The following CWC27 variants were observed in gnomAD, a reference collection of about 807,000 sequenced individuals.
CWC27 encodes the protein spliceosome-associated protein CWC27 homolog.
A neutral mutation model predicts 63.6 loss-of-function variants in CWC27; 47 were observed. That is an observed-to-expected ratio of 0.74 (90% CI 0.58 to 0.94). The LOEUF is 0.94. Ranked by LOEUF, CWC27 falls within the 40% of genes least tolerant of loss-of-function variation. The pLI, the probability that CWC27 is intolerant of heterozygous loss-of-function variation, is 0.00. For synonymous variants in CWC27, 175 were observed against 179.8 expected, an observed-to-expected ratio of 0.97 and a Z score of 0.22; for missense variants, 495 against 554.3, an observed-to-expected ratio of 0.89 and a Z score of 1.07.
chr5:64,825,684 C>T (rs1745337702), intron 10 of CWC27, among the ~76,000 whole-genome samples: 1 of 152,134 alleles, frequency 6.6e-6, no homozygotes, highest in African/African-American at 2.4e-5. Context: ...TCCCTCTCAG[C>T]ACTGCTTTGT....
At chr5:64,848,614 T>C (rs1457673489) in intron 10 of CWC27, among the ~76,000 whole-genome samples, 1 of 152,052 alleles carries the variant, frequency 6.6e-6, no homozygotes, top group African/African-American at 2.4e-5. Context: ...CCAAATTCAA[T>C]TATACATTAA....
At chr5:64,864,733 C>T (rs73105207) in intron 10 of CWC27, among the ~76,000 whole-genome samples, 1,651 of 152,032 alleles carry the variant, frequency 0.011, 25 homozygotes, top group African/African-American at 0.038. Flanking sequence ...CAATGCATTT[C>T]GTCACTAAGA....
intron 11 of CWC27, among the ~76,000 whole-genome samples, chr5:64,902,637 T>C (rs898213143): frequency 6.6e-6 from 1 of 152,200 alleles, no homozygotes; most frequent in South Asian, 2.1e-4. Flanking sequence ...TATGGTTTTA[T>C]AAGTCTTGAA....
chr5:64,844,444 T>C (rs1745921219), intron 10 of CWC27, among the ~76,000 whole-genome samples: 1 of 152,158 alleles, frequency 6.6e-6, no homozygotes, highest in Non-Finnish European at 1.5e-5. Context: ...CTTGAGTCCT[T>C]AGGCTGCTAG....
chr5:64,920,743 A>G (rs1390586913), intron 11 of CWC27, among the ~76,000 whole-genome samples: 2 of 152,150 alleles, frequency 1.3e-5, no homozygotes, highest in African/African-American at 4.8e-5. Context: ...GTGTCCATAG[A>G]GGTGTCTCTA....
At chr5:64,785,674 A>T in intron 5 of CWC27, 95 bp downstream of exon 5, 1 of 721,290 alleles carries the variant, frequency 1.4e-6, no homozygotes, top group Non-Finnish European at 2.3e-6. Flanking sequence ...AAGGCTTTAT[A>T]CTATGTTAAC....
Position 64,829,718 on chromosome 5 carries a change from C to A in CWC27, c.938+25332C>A, listed in dbSNP as rs184679698. On this transcript the variant is annotated intron_variant, in intron 10 of 13. Transcript: ENST00000381070. ...TGCAGGTTTGTTACATAGGTATACACGTGTCATGGTGGTTTGCTGCACCCA... is the reference window on the plus strand; with the variant it reads ...TGCAGGTTTGTTACATAGGTATACAAGTGTCATGGTGGTTTGCTGCACCCA... Among the ~76,000 whole-genome samples the A allele has an allele frequency of 3.0e-3, 432 of 144,800 alleles. 4 individuals are homozygous for A. The highest frequency in any genetic ancestry group is 8.9e-3 in the East Asian group (42 of 4,738). The allele number at this position is 144,800 out of a possible 152,430, so 95.0% of individuals were successfully genotyped here. A position where few individuals can be genotyped will look rare whatever the true frequency, so the allele number is the denominator to read the frequency against.
At chr5:64,852,725 G>A (rs537942012) in intron 10 of CWC27, among the ~76,000 whole-genome samples, 89 of 151,526 alleles carry the variant, frequency 5.9e-4, no homozygotes, top group African/African-American at 1.9e-3. Flanking sequence ...TGTTTGCCTC[G>A]GCCTCCCAAA....
chr5:64,888,684 TA>T (rs1747138381), intron 11 of CWC27, among the ~76,000 whole-genome samples: 2 of 151,556 alleles, frequency 1.3e-5, no homozygotes, highest in South Asian at 2.1e-4. Flanking sequence ...TCCAAGTAAT[TA>T]AAATAGAAAT....
intron 6 of CWC27, among the ~76,000 whole-genome samples, chr5:64,788,453 G>T (rs1743960057): frequency 6.6e-6 from 1 of 151,724 alleles, no homozygotes; most frequent in South Asian, 2.1e-4. Flanking sequence ...TTTTCTCCTT[G>T]TGGGCTATTT....
intron 7 of CWC27, among the ~76,000 whole-genome samples, chr5:64,798,219 T>A (rs1039670706): frequency 2.0e-5 from 3 of 152,188 alleles, no homozygotes; most frequent in African/African-American, 7.2e-5. Context: ...GCAAGGCTGC[T>A]ATGATGATTA....
At chr5:64,877,127 G>A (rs1167591013) in intron 10 of CWC27, among the ~76,000 whole-genome samples, 1 of 151,966 alleles carries the variant, frequency 6.6e-6, no homozygotes, top group East Asian at 1.9e-4. Flanking sequence ...GTTTATTGCA[G>A]CACTATTCAC....
At chr5:64,842,799 G>A (rs895776269) in intron 10 of CWC27, among the ~76,000 whole-genome samples, 12 of 151,340 alleles carry the variant, frequency 7.9e-5, no homozygotes, top group African/African-American at 2.2e-4. Context: ...ATGGGGTTTC[G>A]CCATGTTGCC....
At chr5:64,900,734 A>C (rs1295967098) in intron 11 of CWC27, among the ~76,000 whole-genome samples, 2 of 152,184 alleles carry the variant, frequency 1.3e-5, no homozygotes, top group Admixed American at 6.5e-5. Context: ...TTATATATAC[A>C]GTCACATATC....
intron 10 of CWC27, among the ~76,000 whole-genome samples, chr5:64,864,958 T>G (rs906797749): frequency 1.3e-5 from 2 of 152,106 alleles, no homozygotes; most frequent in Non-Finnish European, 2.9e-5. Flanking sequence ...ACCATGGTCA[T>G]CATGTTGTGC....
chr5:64,923,237 A>T (rs912693719), intron 11 of CWC27, among the ~76,000 whole-genome samples: 3 of 152,044 alleles, frequency 2.0e-5, no homozygotes, highest in Non-Finnish European at 4.4e-5. Context: ...TGGCGAAAGC[A>T]CTCTGGCAGG....
chr5:64,856,926 C>G (rs140162048), intron 10 of CWC27, among the ~76,000 whole-genome samples: 20 of 152,194 alleles, frequency 1.3e-4, no homozygotes, highest in Non-Finnish European at 2.6e-4. Flanking sequence ...ATGTAATTAA[C>G]CCAGGTGAAA....
chr5:64,880,470 A>G (rs1207133000), intron 10 of CWC27, among the ~76,000 whole-genome samples: 2 of 151,994 alleles, frequency 1.3e-5, no homozygotes, highest in African/African-American at 4.8e-5. Context: ...GGGATAGAGG[A>G]GGTAACTGAT....
chr5:64,993,603 C>T (rs924456922), intron 13 of CWC27, among the ~76,000 whole-genome samples: 1 of 151,634 alleles, frequency 6.6e-6, no homozygotes, highest in Non-Finnish European at 1.5e-5. Flanking sequence ...GACAAGATTA[C>T]CTTTTCTATG....
Sources: gnomAD v4.1 joint callset for allele counts (sites outside exome capture counted in the v4.1 genomes callset) on GRCh38, gnomAD v4.1.1 for gene constraint, MANE v1.5 for transcripts, NCBI Gene and HGNC (gene_info 2026-07-23, HGNC 2026-07-21) for gene names.